The following ZBBX variants were observed in gnomAD, a reference collection of about 807,000 sequenced individuals.
ZBBX encodes zinc finger B-box domain-containing protein 1.
In ZBBX, 101 loss-of-function variants were observed where a neutral mutation model predicts 108.5. That is an observed-to-expected ratio of 0.93 (90% CI 0.79 to 1.10). ZBBX has a LOEUF of 1.10. Ranked by LOEUF, ZBBX falls within the 50% of genes least tolerant of loss-of-function variation. ZBBX has a pLI of 0.00. For missense variants in ZBBX, 1,009 were observed against 941.4 expected (o/e 1.07, Z -0.94); for synonymous variants, 356 against 323.4 (o/e 1.10, Z -1.08).
chr3:167,229,328 T>A, the ZBBX span, among the ~76,000 whole-genome samples: 2 of 151,856 alleles, frequency 1.3e-5, no homozygotes, highest in Non-Finnish European at 2.9e-5. Flanking sequence ...TTTTCCTTAA[T>A]ACAAATCTCA....
At chr3:167,280,291 A>C (rs1728546915) in intron 20 of ZBBX, among the ~76,000 whole-genome samples, 1 of 151,650 alleles carries the variant, frequency 6.6e-6, no homozygotes, top group African/African-American at 2.4e-5. Flanking sequence ...CAAAAAAAAA[A>C]AAACTACCAT....
intron 1 of ZBBX, among the ~76,000 whole-genome samples, chr3:167,386,085 G>C (rs1422899234): frequency 6.6e-6 from 1 of 151,932 alleles, no homozygotes; most frequent in Non-Finnish European, 1.5e-5. Context: ...TTGAGATTGA[G>C]AGAGAAAATC....
At chr3:167,400,033 T>C (rs1477356900) in intron 1 of ZBBX, among the ~76,000 whole-genome samples, 3 of 152,178 alleles carry the variant, frequency 2.0e-5, no homozygotes, top group Non-Finnish European at 4.4e-5. Context: ...GCAGAGGAAA[T>C]GATTTCATTC....
chr3:167,180,668 A>G, the ZBBX span, among the ~76,000 whole-genome samples: 1 of 152,186 alleles, frequency 6.6e-6, no homozygotes, highest in Non-Finnish European at 1.5e-5. Flanking sequence ...GAACTGTTTA[A>G]CTTGCCTTGT....
intron 9 of ZBBX, among the ~76,000 whole-genome samples, chr3:167,339,831 G>A (rs576740658): frequency 8.4e-4 from 127 of 151,984 alleles, no homozygotes; most frequent in African/African-American, 2.4e-3. Context: ...CCTCTCACGC[G>A]TCGAAAGGCT....
chr3:167,271,921 G>T (rs1332908016), intron 20 of ZBBX, among the ~76,000 whole-genome samples: 1 of 152,158 alleles, frequency 6.6e-6, no homozygotes, highest in Non-Finnish European at 1.5e-5. Flanking sequence ...ACAGTGCCTA[G>T]ATTGGGACTA....
At chr3:167,288,024 A>G (rs1042480118) in intron 19 of ZBBX, among the ~76,000 whole-genome samples, 5 of 152,090 alleles carry the variant, frequency 3.3e-5, no homozygotes, top group African/African-American at 9.7e-5. Flanking sequence ...CCCCTTTCTC[A>G]GGTATTCCTC....
chr3:167,244,244 T>G (rs1721183592), intron 20 of ZBBX, among the ~76,000 whole-genome samples: 1 of 152,168 alleles, frequency 6.6e-6, no homozygotes, highest in Admixed American at 6.5e-5. Flanking sequence ...TTCTTTAGCT[T>G]TAAGCTATTA....
chr3:167,361,673 C>T (rs1343690982), intron 6 of ZBBX, among the ~76,000 whole-genome samples: 2 of 152,144 alleles, frequency 1.3e-5, no homozygotes, highest in Non-Finnish European at 2.9e-5. Context: ...ATGTACTAAA[C>T]ACAGCAGAAA....
At chr3:167,332,548 G>C (rs1738835852) in intron 10 of ZBBX, among the ~76,000 whole-genome samples, 2 of 152,146 alleles carry the variant, frequency 1.3e-5, no homozygotes, top group South Asian at 2.1e-4. Context: ...AGTAAGGCTA[G>C]TTACTGAATC....
At chr3:167,310,665 G>C (rs961303603) in intron 16 of ZBBX, among the ~76,000 whole-genome samples, 1 of 152,060 alleles carries the variant, frequency 6.6e-6, no homozygotes, top group African/African-American at 2.4e-5. Flanking sequence ...GAACAACATG[G>C]AGGAAACCAC....
At chr3:167,281,094 C>G (rs541359539) in intron 20 of ZBBX, among the ~76,000 whole-genome samples, 2 of 151,470 alleles carry the variant, frequency 1.3e-5, no homozygotes, top group Admixed American at 6.6e-5. Flanking sequence ...TCACACTCTG[C>G]GGACTGTTGT....
At chr3:167,187,021 C>T in the ZBBX span, among the ~76,000 whole-genome samples, 52 of 151,944 alleles carry the variant, frequency 3.4e-4, no homozygotes, top group African/African-American at 1.3e-3. Context: ...AAGTGACAAC[C>T]CTGAAGTATT....
chr3:167,308,339 G>A (rs920933894), intron 16 of ZBBX, among the ~76,000 whole-genome samples: 4 of 152,106 alleles, frequency 2.6e-5, no homozygotes, highest in Non-Finnish European at 5.9e-5. Flanking sequence ...GCAGAGAAAG[G>A]AACACTTATA....
intron 17 of ZBBX, 53 bp downstream of exon 17, chr3:167,305,590 T>C (rs1733488254): frequency 1.5e-6 from 2 of 1,321,016 alleles, no homozygotes; most frequent in Non-Finnish European, 2.0e-6. Flanking sequence ...TAAGACATTT[T>C]CTTATGAGGT....
chr3:167,250,632 G>C (rs187088711), intron 20 of ZBBX, among the ~76,000 whole-genome samples: 1 of 151,648 alleles, frequency 6.6e-6, no homozygotes. Context: ...CCCTTAGACC[G>C]CTAGGAGTCT....
chr3:167,310,260 A>C (rs1328296084), intron 16 of ZBBX, among the ~76,000 whole-genome samples: 1 of 152,182 alleles, frequency 6.6e-6, no homozygotes, highest in Non-Finnish European at 1.5e-5. Context: ...GGTCAAAATC[A>C]TTCAACAAGT....
chr3:167,355,280 G>A (rs188709994), intron 8 of ZBBX, among the ~76,000 whole-genome samples: 4 of 152,004 alleles, frequency 2.6e-5, no homozygotes, highest in Admixed American at 6.6e-5. Context: ...ATTGTCTTCC[G>A]TCTATGTGCT....
the ZBBX span, among the ~76,000 whole-genome samples, chr3:167,182,094 T>C: frequency 6.6e-5 from 10 of 152,116 alleles, no homozygotes; most frequent in Admixed American, 1.3e-4. Flanking sequence ...GTTTTCTTTT[T>C]CCCCCCAACT....
Sources: gnomAD v4.1 joint callset for allele counts (sites outside exome capture counted in the v4.1 genomes callset) on GRCh38, gnomAD v4.1.1 for gene constraint, MANE v1.5 for transcripts, NCBI Gene and HGNC (gene_info 2026-07-23, HGNC 2026-07-21) for gene names.